PFDN1: variants seen among roughly 807,000 people sequenced by gnomAD.
The protein encoded by PFDN1 is prefoldin subunit 1, also known as prefoldin 1.
Under a neutral mutation model 17.3 loss-of-function variants are expected in PFDN1, and 6 were observed. The observed-to-expected ratio is 0.35, with a 90% confidence interval of 0.19 to 0.69. The LOEUF is 0.69. Among genes scored for constraint, PFDN1 ranks in the 30% least tolerant of loss-of-function variants. The probability of loss-of-function intolerance (pLI) is 0.65; values close to 1 mark genes in which losing one functional copy is unlikely to be tolerated. For missense variants in PFDN1, 113 were observed against 146.2 expected (o/e 0.77, Z 1.17); for synonymous variants, 58 against 50.1 (o/e 1.16, Z -0.67).
intron 2 of PFDN1, among the ~76,000 whole-genome samples, chr5:140,296,137 A>G (rs190103964): frequency 1.0e-3 from 152 of 152,360 alleles, no homozygotes; most frequent in Non-Finnish European, 1.7e-3. Flanking sequence ...GACCTTAGTC[A>G]AAATATATGT....
chr5:140,281,809 G>A (rs993920780), intron 2 of PFDN1: 6 of 291,350 alleles, frequency 2.1e-5, no homozygotes, highest in East Asian at 9.4e-5. Context: ...AGGCTGAGGT[G>A]GGAGGATTGT....
chr5:140,281,278 T>C, intron 3 of PFDN1, 171 bp downstream of exon 3: 1 of 525,538 alleles, frequency 1.9e-6, no homozygotes. Context: ...GTTTTGGTCT[T>C]ATATGCGCTA....
intron 2 of PFDN1, among the ~76,000 whole-genome samples, chr5:140,285,660 T>C (rs927321210): frequency 3.3e-5 from 5 of 152,150 alleles, no homozygotes; most frequent in African/African-American, 4.8e-5. Context: ...AAAAAATTTT[T>C]TTTTAACATT....
At chr5:140,274,942 G>A (rs1435647437) in intron 3 of PFDN1, among the ~76,000 whole-genome samples, 28 of 148,036 alleles carry the variant, frequency 1.9e-4, no homozygotes, top group Admixed American at 1.7e-3. Flanking sequence ...GCAGTGAGCC[G>A]AGATTGTGAT....
rs1422561855 is a variant in PFDN1, at chr5:140,245,972, C to A, written c.*2G>T. Reference sequence around the variant, plus strand: ...GGAGGAAGAGCTTCCCAGAGAGGCTCCCTACTGGGCCCTTCGTGCCATCAG... The same window carrying A: ...GGAGGAAGAGCTTCCCAGAGAGGCTACCTACTGGGCCCTTCGTGCCATCAG... On this transcript the variant is annotated 3_prime_UTR_variant, in exon 4 of 4. Coordinates refer to ENST00000261813, the MANE Select transcript of PFDN1 (RefSeq NM_002622.5). 13 of 1,540,030 alleles carry A rather than the reference C, an allele frequency of 8.4e-6. No individual in the cohort carries two copies. Among genetic ancestry groups the A allele is most frequent in the Non-Finnish European group, 9.7e-6 (11 of 1,134,670 alleles).
At chr5:140,268,640 A>G (rs1170245420) in intron 3 of PFDN1, among the ~76,000 whole-genome samples, 1 of 152,164 alleles carries the variant, frequency 6.6e-6, no homozygotes, top group Non-Finnish European at 1.5e-5. Flanking sequence ...GTAAGACTCC[A>G]TCTCAACAAC....
intron 3 of PFDN1, among the ~76,000 whole-genome samples, chr5:140,262,073 G>A (rs978003740): frequency 6.6e-6 from 1 of 152,122 alleles, no homozygotes; most frequent in African/African-American, 2.4e-5. Context: ...AATTTTTAAT[G>A]ACACTGGAGT....
chr5:140,285,826 G>A (rs1373092365), intron 2 of PFDN1, among the ~76,000 whole-genome samples: 1 of 151,894 alleles, frequency 6.6e-6, no homozygotes, highest in African/African-American at 2.4e-5. Flanking sequence ...ACAGAAATAG[G>A]ATACAAAACA....
At chr5:140,265,785 G>C (rs1765126469) in intron 3 of PFDN1, 1 of 152,204 alleles carries the variant, frequency 6.6e-6, no homozygotes, top group African/African-American at 2.4e-5. Context: ...AAACCACACT[G>C]AATGAATAGC....
intron 3 of PFDN1, among the ~76,000 whole-genome samples, chr5:140,276,263 C>A (rs1214534485): frequency 6.6e-6 from 1 of 152,082 alleles, no homozygotes; most frequent in East Asian, 1.9e-4. Context: ...ATTTCCAAAT[C>A]CCTACAATGT....
intron 3 of PFDN1, among the ~76,000 whole-genome samples, chr5:140,260,883 C>T (rs1036048719): frequency 2.6e-5 from 4 of 151,880 alleles, no homozygotes; most frequent in Admixed American, 6.6e-5. Context: ...GGACACGGGC[C>T]GGGCACAATG....
At chr5:140,277,226 CAA>C (rs796127129) in intron 3 of PFDN1, among the ~76,000 whole-genome samples, 10 of 97,770 alleles carry the variant, frequency 1.0e-4, no homozygotes, top group Non-Finnish European at 8.9e-5. Context: ...AACTCCGTCT[CAA>C]AAAAAAAAAA....
chr5:140,284,165 T>C (rs757273312), intron 2 of PFDN1, among the ~76,000 whole-genome samples: 2 of 152,280 alleles, frequency 1.3e-5, no homozygotes, highest in Non-Finnish European at 2.9e-5. Flanking sequence ...TGACCACATA[T>C]CCTTTGAGGT....
chr5:140,261,992 A>G (rs1237701711), intron 3 of PFDN1, among the ~76,000 whole-genome samples: 1 of 152,188 alleles, frequency 6.6e-6, no homozygotes, highest in East Asian at 1.9e-4. Context: ...AAGTTACCAT[A>G]GAACTGGGGT....
chr5:140,297,750 A>G (rs1765675408), intron 2 of PFDN1, among the ~76,000 whole-genome samples: 2 of 152,198 alleles, frequency 1.3e-5, no homozygotes, highest in African/African-American at 2.4e-5. Context: ...TTTGGAAAAT[A>G]TGTACAAAAA....
intron 3 of PFDN1, among the ~76,000 whole-genome samples, chr5:140,247,956 C>G (rs1387111103): frequency 1.3e-5 from 2 of 152,116 alleles, no homozygotes; most frequent in Non-Finnish European, 2.9e-5. Context: ...ACCATTCAAT[C>G]CAATGCCTGC....
intron 3 of PFDN1, 147 bp downstream of exon 3, chr5:140,281,302 G>T: frequency 1.8e-6 from 1 of 563,486 alleles, no homozygotes; most frequent in Non-Finnish European, 3.1e-6. Context: ...ATATGAATAT[G>T]ACAGCTTCAC....
At chr5:140,276,054 AT>A (rs1765287284) in intron 3 of PFDN1, among the ~76,000 whole-genome samples, 1 of 140,778 alleles carries the variant, frequency 7.1e-6, no homozygotes, top group Admixed American at 7.2e-5. Flanking sequence ...GATGATGATG[AT>A]GATGATAATT....
At chr5:140,252,063 C>T (rs536139230) in intron 3 of PFDN1, among the ~76,000 whole-genome samples, 2 of 151,696 alleles carry the variant, frequency 1.3e-5, no homozygotes, top group South Asian at 2.1e-4. Context: ...TCCTCTCTGT[C>T]CCTCTATTTT....
Sources: gnomAD v4.1 joint callset for allele counts (sites outside exome capture counted in the v4.1 genomes callset) on GRCh38, gnomAD v4.1.1 for gene constraint, MANE v1.5 for transcripts, NCBI Gene and HGNC (gene_info 2026-07-23, HGNC 2026-07-21) for gene names.